METTL15: variants seen among roughly 807,000 people sequenced by gnomAD.
The protein encoded by METTL15 is 12S rRNA N(4)-cytidine methyltransferase METTL15.
A neutral mutation model predicts 38.3 loss-of-function variants in METTL15; 34 were observed. That is an observed-to-expected ratio of 0.89 (90% CI 0.68 to 1.18). The LOEUF is 1.18. Among genes scored for constraint, METTL15 ranks in the 50% most tolerant of loss-of-function variants. The pLI is 0.00. For missense variants in METTL15, 438 were observed against 498.4 expected (o/e 0.88, Z 1.15); for synonymous variants, 162 against 170.9 (o/e 0.95, Z 0.41).
At chr11:28,115,643 T>C (rs1851909663) in intron 3 of METTL15, among the ~76,000 whole-genome samples, 1 of 152,120 alleles carries the variant, frequency 6.6e-6, no homozygotes, top group Non-Finnish European at 1.5e-5. Context: ...AAGAGAATCA[T>C]AAGGAAGATA....
Position 28,320,961 on chromosome 11 carries a change from C to T in METTL15, c.779-9435C>T, listed in dbSNP as rs147038118. ...ATTAGGAAAATTTTATACTTCATTT[C>T]GGATGCTGAAATCTTTTAGTCCAAT... On this transcript the variant is annotated intron_variant, in intron 6 of 6. Transcript: ENST00000407364. Among the ~76,000 whole-genome samples, 139 of 152,124 alleles carry T rather than the reference C, an allele frequency of 9.1e-4. 1 individual carries two copies. The highest frequency in any genetic ancestry group is 3.3e-3 in the African/African-American group (137 of 41,512).
chr11:28,397,987 G>A (rs1049846128), intron 5 of METTL15, among the ~76,000 whole-genome samples: 2 of 151,514 alleles, frequency 1.3e-5, no homozygotes, highest in African/African-American at 2.4e-5. Context: ...CTATCACAAG[G>A]ACAAAAAACC....
At chr11:28,411,996 C>G (rs1464506113) in intron 5 of METTL15, among the ~76,000 whole-genome samples, 1 of 152,058 alleles carries the variant, frequency 6.6e-6, no homozygotes, top group Non-Finnish European at 1.5e-5. Context: ...AAAAGATACT[C>G]TGCAGCACTA....
intron 3 of METTL15, among the ~76,000 whole-genome samples, chr11:28,129,601 G>T (rs1431440826): frequency 2.0e-5 from 3 of 152,024 alleles, no homozygotes; most frequent in South Asian, 4.2e-4. Flanking sequence ...GTAGAGATGG[G>T]ATTTCACCGT....
At chr11:28,475,971 C>G (rs1851343110) in intron 6 of METTL15, among the ~76,000 whole-genome samples, 1 of 152,188 alleles carries the variant, frequency 6.6e-6, no homozygotes, top group African/African-American at 2.4e-5. Flanking sequence ...GTGGCATGCA[C>G]ACTTTTTGGG....
chr11:28,179,333 G>A (rs965218619), intron 3 of METTL15, among the ~76,000 whole-genome samples: 14 of 151,776 alleles, frequency 9.2e-5, no homozygotes, highest in African/African-American at 3.1e-4. Context: ...GTGAAGTCTA[G>A]AATGCATGTA....
Position 28,182,888 on chromosome 11 carries a change from G to A in METTL15, c.271-28174G>A, listed in dbSNP as rs1324896948. On this transcript the variant is annotated intron_variant, in intron 3 of 6. Coordinates refer to ENST00000407364, the MANE Select transcript of METTL15 (RefSeq NM_001113528.2). ...CGATATTGATTCTTCCTATTCATGA[G>A]CATGGAATGTTTTTCTATTTGTTTG... Among the ~76,000 whole-genome samples the A allele has an allele frequency of 2.0e-5, 3 of 152,162 alleles. No individual in the cohort carries two copies. The East Asian group carries it at 5.8e-4, about 29-fold the overall frequency.
At chr11:28,206,613 A>C (rs1852358066) in intron 3 of METTL15, among the ~76,000 whole-genome samples, 1 of 142,374 alleles carries the variant, frequency 7.0e-6, no homozygotes, top group South Asian at 2.4e-4. Context: ...TTCCATATGA[A>C]CTTTAAAGTA....
rs146350973 is a variant in METTL15 at position 28,522,284 on chromosome 11, T to C, written c.*425-4194T>C. On this transcript the variant is annotated intron_variant and NMD_transcript_variant, in intron 6 of 7. Coordinates refer to the METTL15 transcript ENST00000532947. ...ACCGGTGGGATGTATGTATACAGTA[T>C]ATAGAAAGGTTTATTTGAAGGAATT... 3.1e-3 allele frequency among the ~76,000 whole-genome samples: 476 copies of C among 152,324 alleles called. 1 individual carries two copies. The highest frequency in any genetic ancestry group is 0.011 in the African/African-American group (465 of 41,576).
chr11:28,305,700 A>T (rs1397001370), intron 6 of METTL15, among the ~76,000 whole-genome samples: 1 of 152,144 alleles, frequency 6.6e-6, no homozygotes, highest in Non-Finnish European at 1.5e-5. Context: ...TCTTGTGATA[A>T]ATGCTATAAA....
chr11:28,229,994 T>C (rs1853625051), intron 4 of METTL15, among the ~76,000 whole-genome samples: 1 of 152,010 alleles, frequency 6.6e-6, no homozygotes, highest in South Asian at 2.1e-4. Context: ...TATATTCATA[T>C]GCTGCTGGCT....
intron 6 of METTL15, among the ~76,000 whole-genome samples, chr11:28,321,532 C>T (rs1277615656): frequency 2.0e-5 from 3 of 152,038 alleles, no homozygotes; most frequent in Non-Finnish European, 4.4e-5. Context: ...TAATAACAGA[C>T]ATATAAAATA....
rs190903190 is a variant in METTL15, at chr11:28,384,756, C to T, written c.*358+22720C>T. ...ATGTTTGAACTAATTTACACTCCCACCAACAGTGTATAAGCACTCCTTTTT... is the reference window on the plus strand; with the variant it reads ...ATGTTTGAACTAATTTACACTCCCATCAACAGTGTATAAGCACTCCTTTTT... On this transcript the variant is annotated intron_variant and NMD_transcript_variant, in intron 5 of 7. Coordinates refer to the METTL15 transcript ENST00000532947. Among the ~76,000 whole-genome samples, 36 of 152,336 alleles carry T rather than the reference C, an allele frequency of 2.4e-4. No individual in the cohort carries two copies. In the East Asian group the frequency reaches 6.6e-3, roughly 28 times the overall value.
intron 3 of METTL15, among the ~76,000 whole-genome samples, chr11:28,168,683 C>T (rs1850745326): frequency 6.9e-6 from 1 of 144,214 alleles, no homozygotes; most frequent in South Asian, 2.1e-4. Context: ...TACAGAAAAA[C>T]ACAAACTGTA....
At chr11:28,461,051 G>A (rs1426357006) in intron 6 of METTL15, among the ~76,000 whole-genome samples, 1 of 152,048 alleles carries the variant, frequency 6.6e-6, no homozygotes, top group Non-Finnish European at 1.5e-5. Context: ...CTCAAGTCAA[G>A]TGAGGAAGAT....
Position 28,414,623 on chromosome 11 carries a change from C to T in METTL15, c.*359-9676C>T, listed in dbSNP as rs117452570. On this transcript the variant is annotated intron_variant and NMD_transcript_variant, in intron 5 of 7. Coordinates refer to the METTL15 transcript ENST00000532947. ...TTGATGCCATGTTTCAATGGTTCTA[C>T]AATGTCAATTTTTTGTTTAGTCGTT... 6.6e-5 allele frequency among the ~76,000 whole-genome samples: 10 copies of T among 152,296 alleles called. 1 individual carries two copies. The East Asian group carries it at 1.9e-3, about 29-fold the overall frequency.
At chr11:28,507,905 G>T (rs1250525773) in intron 6 of METTL15, among the ~76,000 whole-genome samples, 4 of 151,978 alleles carry the variant, frequency 2.6e-5, no homozygotes, top group East Asian at 1.9e-4. Flanking sequence ...TTTTCATAAA[G>T]AAATTGGAGT....
intron 6 of METTL15, among the ~76,000 whole-genome samples, chr11:28,461,738 CT>C (rs1851216968): frequency 1.3e-5 from 2 of 152,048 alleles, no homozygotes; most frequent in South Asian, 2.1e-4. Context: ...TGCAATTTTC[CT>C]TTTTTGTGTA....
chr11:28,452,672 C>A (rs181747500), intron 6 of METTL15, among the ~76,000 whole-genome samples: 2 of 152,248 alleles, frequency 1.3e-5, no homozygotes, highest in East Asian at 3.9e-4. Flanking sequence ...GTCAGAGATT[C>A]AATTTTGTCC....
Sources: gnomAD v4.1 joint callset for allele counts (sites outside exome capture counted in the v4.1 genomes callset) on GRCh38, gnomAD v4.1.1 for gene constraint, MANE v1.5 for transcripts, NCBI Gene and HGNC (gene_info 2026-07-23, HGNC 2026-07-21) for gene names.